DPP10: variants seen among roughly 807,000 people sequenced by gnomAD.
DPP10 encodes the protein inactive dipeptidyl peptidase 10.
In DPP10, 33 loss-of-function variants were observed where a neutral mutation model predicts 120.9. The ratio of observed to expected loss-of-function variants is 0.27; its 90% CI spans 0.21 to 0.37. The LOEUF (loss-of-function observed/expected upper bound fraction) is 0.37. DPP10 is among the 10% of genes least tolerant of loss of function. DPP10 has a pLI of 1.00. For synonymous variants in DPP10, 337 were observed against 326.1 expected, an observed-to-expected ratio of 1.03 and a Z score of -0.36; for missense variants, 816 against 942.8, an observed-to-expected ratio of 0.87 and a Z score of 1.76.
chr2:114,681,525 C>T (rs1285027572), intron 1 of DPP10, among the ~76,000 whole-genome samples: 1 of 151,976 alleles, frequency 6.6e-6, no homozygotes, highest in Non-Finnish European at 1.5e-5. Flanking sequence ...CTTCCCAGTT[C>T]AGAGATTCTC....
chr2:115,629,786 T>C (rs2085686697), intron 5 of DPP10, among the ~76,000 whole-genome samples: 2 of 152,182 alleles, frequency 1.3e-5, no homozygotes, highest in Non-Finnish European at 2.9e-5. Flanking sequence ...ACCAGTACCA[T>C]GCTGTTTTGG....
intron 5 of DPP10, among the ~76,000 whole-genome samples, chr2:115,529,355 G>A (rs1291042158): frequency 1.3e-5 from 2 of 151,842 alleles, no homozygotes; most frequent in Admixed American, 1.3e-4. Flanking sequence ...TTTTAGTAGA[G>A]ATAAAGTTTC....
chr2:114,690,269 A>T (rs1699650060), intron 1 of DPP10, among the ~76,000 whole-genome samples: 1 of 152,056 alleles, frequency 6.6e-6, no homozygotes, highest in Non-Finnish European at 1.5e-5. Context: ...ATTCTGTGTA[A>T]GGAACTGGTT....
rs1696047589 is a variant in DPP10 at position 114,931,248 on chromosome 2, T to C, written c.61-377991T>C. Among the ~76,000 whole-genome samples the C allele has an allele frequency of 2.6e-5, 4 of 152,124 alleles. No homozygotes were observed. In the South Asian group the frequency reaches 8.3e-4, roughly 32 times the overall value. Reference sequence around the variant, plus strand: ...AAAGGAATACCTGAAGCTGGGAAATTTATAAGGAAAGGGGTTTTGTATGGT... The same window carrying C: ...AAAGGAATACCTGAAGCTGGGAAATCTATAAGGAAAGGGGTTTTGTATGGT... On this transcript the variant is annotated intron_variant, in intron 1 of 25. Transcript: ENST00000410059.
At chr2:115,563,096 A>G (rs1378843406) in intron 5 of DPP10, among the ~76,000 whole-genome samples, 1 of 152,220 alleles carries the variant, frequency 6.6e-6, no homozygotes, top group Non-Finnish European at 1.5e-5. Context: ...ATCATGGGCA[A>G]AGTATGAAAA....
At chr2:115,242,807 C>T (rs1314074419) in intron 1 of DPP10, among the ~76,000 whole-genome samples, 2 of 151,850 alleles carry the variant, frequency 1.3e-5, no homozygotes, top group East Asian at 1.9e-4. Flanking sequence ...GCTTAGCTCC[C>T]ACTTATAACT....
intron 3 of DPP10, among the ~76,000 whole-genome samples, chr2:115,424,505 T>TA (rs1199025250): frequency 6.6e-6 from 1 of 152,044 alleles, no homozygotes; most frequent in Non-Finnish European, 1.5e-5. Flanking sequence ...AAGTCAAATT[T>TA]TTTAAAAAAA....
chr2:115,506,489 C>A (rs994754380), intron 4 of DPP10, among the ~76,000 whole-genome samples: 3 of 152,064 alleles, frequency 2.0e-5, no homozygotes, highest in Middle Eastern at 6.8e-3. Flanking sequence ...GACTCCTAAT[C>A]CATTGTTGTT....
intron 1 of DPP10, among the ~76,000 whole-genome samples, chr2:114,922,596 G>A (rs572891739): frequency 2.0e-5 from 3 of 152,322 alleles, no homozygotes; most frequent in South Asian, 4.1e-4. Context: ...ACAGGTGTGA[G>A]CTACAGTGCC....
At chr2:114,878,615 A>G (rs569246019) in intron 1 of DPP10, among the ~76,000 whole-genome samples, 4 of 152,226 alleles carry the variant, frequency 2.6e-5, no homozygotes, top group African/African-American at 9.6e-5. Flanking sequence ...TCCAGTGTCT[A>G]ACATTCTACT....
At chr2:114,877,110 A>C (rs1691223597) in intron 1 of DPP10, among the ~76,000 whole-genome samples, 1 of 152,094 alleles carries the variant, frequency 6.6e-6, no homozygotes, top group South Asian at 2.1e-4. Context: ...AAATTATACA[A>C]TTAGTATTTC....
intron 1 of DPP10, among the ~76,000 whole-genome samples, chr2:114,506,123 A>C (rs1946541): frequency 0.69 from 105,521 of 152,086 alleles, 36,743 homozygotes; most frequent in Middle Eastern, 0.71. Flanking sequence ...GAACATACAT[A>C]CCTGTTTTCC....
chr2:115,230,892 C>G (rs1334169158), intron 1 of DPP10, among the ~76,000 whole-genome samples: 1 of 151,884 alleles, frequency 6.6e-6, no homozygotes, highest in Non-Finnish European at 1.5e-5. Context: ...AGATTGAGAA[C>G]TTCTGGCACA....
At chr2:115,523,699 C>T (rs1222724643) in intron 4 of DPP10, among the ~76,000 whole-genome samples, 1 of 152,048 alleles carries the variant, frequency 6.6e-6, no homozygotes, top group African/African-American at 2.4e-5. Context: ...CCAAATTCCC[C>T]ATAGGTTAAT....
intron 3 of DPP10, among the ~76,000 whole-genome samples, chr2:115,428,850 C>G (rs1429190868): frequency 6.6e-6 from 1 of 152,194 alleles, no homozygotes; most frequent in Non-Finnish European, 1.5e-5. Flanking sequence ...GATCCATCCA[C>G]TCTACTTCTG....
At chr2:114,497,265 A>G (rs370979802) in intron 1 of DPP10, among the ~76,000 whole-genome samples, 69 of 68,010 alleles carry the variant, frequency 1.0e-3, no homozygotes, top group African/African-American at 3.4e-3. Context: ...ACGTGTGTAT[A>G]CATGTACATG....
intron 4 of DPP10, among the ~76,000 whole-genome samples, chr2:115,506,282 C>T (rs866433682): frequency 6.6e-6 from 1 of 151,954 alleles, no homozygotes; most frequent in Admixed American, 6.6e-5. Flanking sequence ...GTGAAACATG[C>T]GTGAGCATTC....
intron 8 of DPP10, among the ~76,000 whole-genome samples, chr2:115,728,161 A>G (rs767687886): frequency 3.3e-5 from 5 of 152,022 alleles, no homozygotes; most frequent in Non-Finnish European, 7.4e-5. Flanking sequence ...ATATGTACAT[A>G]TAGGCTAGAT....
At chr2:114,798,193 G>A (rs1283067784) in intron 1 of DPP10, among the ~76,000 whole-genome samples, 1 of 152,162 alleles carries the variant, frequency 6.6e-6, no homozygotes, top group Non-Finnish European at 1.5e-5. Context: ...GTCCCAGGAT[G>A]GGCCAAGGGG....
Sources: gnomAD v4.1 joint callset for allele counts (sites outside exome capture counted in the v4.1 genomes callset) on GRCh38, gnomAD v4.1.1 for gene constraint, MANE v1.5 for transcripts, NCBI Gene and HGNC (gene_info 2026-07-23, HGNC 2026-07-21) for gene names.